Variants in NCOA5 observed in about 807,000 individuals in gnomAD.
NCOA5 encodes nuclear receptor coactivator 5.
NCOA5 carries 12 observed loss-of-function variants against 59.0 expected under a neutral mutation model. That is an observed-to-expected ratio of 0.20 (90% CI 0.13 to 0.33). The LOEUF is 0.33. NCOA5 is among the 10% of genes least tolerant of loss of function. The pLI is 1.00. For missense variants in NCOA5, 655 were observed against 766.6 expected (o/e 0.85, Z 1.72); for synonymous variants, 270 against 275.5 (o/e 0.98, Z 0.20).
At chr20:46,074,560 G>T (rs1351469060) in intron 2 of NCOA5, among the ~76,000 whole-genome samples, 2 of 152,162 alleles carry the variant, frequency 1.3e-5, no homozygotes, top group African/African-American at 2.4e-5. Context: ...ATTCAGGAGG[G>T]GGAAAAAGGC....
chr20:46,062,944 G>T, intron 7 of NCOA5, 55 bp from the exon 8 acceptor site: 1 of 1,411,482 alleles, frequency 7.1e-7, no homozygotes, highest in South Asian at 1.4e-5. Flanking sequence ...AGGGCAGGAG[G>T]CCTAGCAGCC....
chr20:46,063,697 C>T lies in NCOA5; in HGVS notation c.830-17G>A. 4 of 1,606,390 alleles carry T rather than the reference C, an allele frequency of 2.5e-6. No homozygotes were observed. The highest frequency in any genetic ancestry group is 1.7e-4 in the Middle Eastern group (1 of 6,038). Reference sequence around the variant, plus strand: ...TGCGATGCTCTGTAGGAGGAAATGACATGAGTTATTTTCTTCCATGACATA... The same window carrying T: ...TGCGATGCTCTGTAGGAGGAAATGATATGAGTTATTTTCTTCCATGACATA... On this transcript the variant is annotated splice_polypyrimidine_tract_variant and intron_variant, in intron 6 of 7. Coordinates refer to ENST00000290231, the MANE Select transcript of NCOA5 (RefSeq NM_020967.3).
chr20:46,078,565 C>A lies in NCOA5; in HGVS notation c.38+822G>T, dbSNP rs543522122. ...AATCCATTTGGGCCTTGAAGAGACA[C>A]CAGATATGAAATATATCATTCGTAT... On this transcript the variant is annotated intron_variant, in intron 2 of 7. Coordinates refer to ENST00000290231, the MANE Select transcript of NCOA5 (RefSeq NM_020967.3). Among the ~76,000 whole-genome samples the A allele has an allele frequency of 8.3e-5, 12 of 144,964 alleles. No homozygotes were observed. In the East Asian group the frequency reaches 2.3e-3, roughly 28 times the overall value.
chr20:46,067,226 C>T, intron 4 of NCOA5, 45 bp from the exon 5 acceptor site: 1 of 1,585,284 alleles, frequency 6.3e-7, no homozygotes, highest in Non-Finnish European at 8.6e-7. Flanking sequence ...ACTGGACCCT[C>T]ATTTTAAATC....
At chr20:46,079,503 GATC>G in intron 1 of NCOA5, 50 bp from the exon 2 acceptor site, 10 of 1,404,906 alleles carry the variant, frequency 7.1e-6, no homozygotes, top group Non-Finnish European at 1.0e-6. Context: ...ATAAAAACAA[GATC>G]ATCAGCACAT....
chr20:46,072,862 A>G (rs1194262660), intron 2 of NCOA5, among the ~76,000 whole-genome samples: 1 of 152,258 alleles, frequency 6.6e-6, no homozygotes, highest in Non-Finnish European at 1.5e-5. Flanking sequence ...CTACTAGACT[A>G]CAAGTGCCAC....
At chr20:46,066,998 A>T (rs2084831051) in intron 5 of NCOA5, 57 bp downstream of exon 5, 5 of 1,589,864 alleles carry the variant, frequency 3.1e-6, no homozygotes, top group Non-Finnish European at 4.3e-6. Context: ...GCTAAACAGG[A>T]GCCTGAATTT....
At chr20:46,069,140 G>C (rs1427943719) in intron 3 of NCOA5, among the ~76,000 whole-genome samples, 2 of 151,850 alleles carry the variant, frequency 1.3e-5, no homozygotes, top group Non-Finnish European at 1.5e-5. Flanking sequence ...CAATTCAGTG[G>C]CATTATATTC....
At chr20:46,077,367 G>C (rs1045840687) in intron 2 of NCOA5, among the ~76,000 whole-genome samples, 1 of 152,188 alleles carries the variant, frequency 6.6e-6, no homozygotes, top group Non-Finnish European at 1.5e-5. Context: ...TTCAACCAGG[G>C]AAGTTGGTCA....
rs1340003721 is a variant in NCOA5 at position 46,062,101 on chromosome 20, C to G, written c.*199G>C. The G allele has an allele frequency of 2.1e-6, 1 of 483,716 alleles. No individual in the cohort carries two copies. The highest frequency in any genetic ancestry group is 1.9e-5 in the African/African-American group (1 of 52,016). 30.0% of individuals were successfully genotyped at this position (483,716 alleles called of 1,614,324 possible). A position where few individuals can be genotyped will look rare whatever the true frequency, so the allele number is the denominator to read the frequency against. ...ACAAAACAAAAAACAAAAAAAGATA[C>G]AGCCCCAAATGCAGTATAAACTTTG... On this transcript the variant is annotated 3_prime_UTR_variant, in exon 8 of 8. Transcript: ENST00000290231.
intron 2 of NCOA5, among the ~76,000 whole-genome samples, chr20:46,071,410 TAA>T (rs1201954864): frequency 8.5e-5 from 13 of 152,232 alleles, no homozygotes; most frequent in Non-Finnish European, 2.9e-5. Flanking sequence ...CCCATCCCAA[TAA>T]AGTCACTTGT....
chr20:46,077,747 A>G (rs955104472), intron 2 of NCOA5, among the ~76,000 whole-genome samples: 12 of 152,220 alleles, frequency 7.9e-5, no homozygotes, highest in African/African-American at 2.7e-4. Context: ...CCTGGCAACT[A>G]AAGATTCCAA....
chr20:46,074,626 G>A (rs116435930), intron 2 of NCOA5, among the ~76,000 whole-genome samples: 75 of 152,298 alleles, frequency 4.9e-4, no homozygotes, highest in African/African-American at 1.6e-3. Context: ...CATTTGAGAC[G>A]TAAGGGCGAA....
Position 46,081,041 on chromosome 20 carries a change from C to T in NCOA5, c.-29-1588G>A, listed in dbSNP as rs1715745798. ...GAGTCTGTTCACTTACTGTGTACCACTTTCTAATTATATAGGTTGGCTATG... is the reference window on the plus strand; with the variant it reads ...GAGTCTGTTCACTTACTGTGTACCATTTTCTAATTATATAGGTTGGCTATG... On this transcript the variant is annotated intron_variant, in intron 1 of 7. Coordinates refer to ENST00000290231, the MANE Select transcript of NCOA5 (RefSeq NM_020967.3). Among the ~76,000 whole-genome samples the T allele has an allele frequency of 2.6e-5, 4 of 152,162 alleles. No individual in the cohort carries two copies. The South Asian group carries it at 8.3e-4, about 32-fold the overall frequency.
chr20:46,083,433 TCTGCTCAG>T (rs374403609), intron 1 of NCOA5, among the ~76,000 whole-genome samples: 1 of 152,236 alleles, frequency 6.6e-6, no homozygotes, highest in African/African-American at 2.4e-5. Context: ...GCCAAACGCC[TCTGCTCAG>T]CTCATTGGAA....
chr20:46,082,756 A>C (rs1348008488), intron 1 of NCOA5, among the ~76,000 whole-genome samples: 2 of 152,196 alleles, frequency 1.3e-5, no homozygotes, highest in African/African-American at 2.4e-5. Flanking sequence ...TCAGTTAAGA[A>C]TTTTTAGACA....
At chr20:46,070,792 C>T (rs2084874687) in intron 2 of NCOA5, among the ~76,000 whole-genome samples, 1 of 152,116 alleles carries the variant, frequency 6.6e-6, no homozygotes, top group Non-Finnish European at 1.5e-5. Flanking sequence ...TAACAGTATT[C>T]ATCAGGCTTT....
At chr20:46,079,768 T>C (rs2145547850) in intron 1 of NCOA5, among the ~76,000 whole-genome samples, 1 of 152,270 alleles carries the variant, frequency 6.6e-6, no homozygotes, top group East Asian at 1.9e-4. Flanking sequence ...GAGGAAAAGG[T>C]TGTTTTCTAA....
At chr20:46,067,550 A>T (rs2084837703) in intron 4 of NCOA5, among the ~76,000 whole-genome samples, 1 of 150,894 alleles carries the variant, frequency 6.6e-6, no homozygotes, top group Admixed American at 6.6e-5. Flanking sequence ...TTATTATTCT[A>T]ATCTGCATTT....
Sources: gnomAD v4.1 joint callset for allele counts (sites outside exome capture counted in the v4.1 genomes callset) on GRCh38, gnomAD v4.1.1 for gene constraint, MANE v1.5 for transcripts, NCBI Gene and HGNC (gene_info 2026-07-23, HGNC 2026-07-21) for gene names.